SRRM4: variants seen among roughly 807,000 people sequenced by gnomAD.
SRRM4 encodes serine/arginine repetitive matrix 4, also known as serine/arginine repetitive matrix protein 4.
A neutral mutation model predicts 68.9 loss-of-function variants in SRRM4; 33 were observed. That is an observed-to-expected ratio of 0.48 (90% confidence interval 0.36 to 0.64). SRRM4 has a LOEUF of 0.64. Ranked by LOEUF, SRRM4 falls within the 30% of genes least tolerant of loss-of-function variation. The pLI, the probability that SRRM4 is intolerant of heterozygous loss-of-function variation, is 0.00. For missense variants in SRRM4, 817 were observed against 827.1 expected, an observed-to-expected ratio of 0.99 and a Z score of 0.15; for synonymous variants, 318 against 318.8, an observed-to-expected ratio of 1.00 and a Z score of 0.03.
At chr12:119,013,724 TAATC>T (rs1223918481) in intron 1 of SRRM4, among the ~76,000 whole-genome samples, 2 of 152,250 alleles carry the variant, frequency 1.3e-5, no homozygotes, top group Admixed American at 6.5e-5. Flanking sequence ...ATCATTTATT[TAATC>T]AATATCCTAT....
At chr12:119,037,581 G>C (rs1953638110) in intron 1 of SRRM4, among the ~76,000 whole-genome samples, 1 of 152,216 alleles carries the variant, frequency 6.6e-6, no homozygotes, top group African/African-American at 2.4e-5. Flanking sequence ...GAATTTCTTT[G>C]TGGGTCAGCA....
intron 1 of SRRM4, among the ~76,000 whole-genome samples, chr12:119,099,929 A>C (rs1282574753): frequency 1.3e-5 from 2 of 152,200 alleles, no homozygotes; most frequent in Non-Finnish European, 2.9e-5. Context: ...CTTCTACTAC[A>C]TTCTTTTCAT....
At chr12:119,144,602 A>T (rs923336727) in intron 8 of SRRM4, 1 of 152,208 alleles carries the variant, frequency 6.6e-6, no homozygotes, top group Middle Eastern at 3.2e-3. Context: ...ATTAGAAGCC[A>T]CTCAAGAGCC....
At chr12:119,029,021 C>T (rs570615874) in intron 1 of SRRM4, among the ~76,000 whole-genome samples, 6 of 152,224 alleles carry the variant, frequency 3.9e-5, no homozygotes, top group East Asian at 1.9e-4. Context: ...AAAGGGACAA[C>T]GAAGAAGGCC....
At chr12:119,132,543 T>C (rs1444180071) in intron 8 of SRRM4, among the ~76,000 whole-genome samples, 2 of 152,216 alleles carry the variant, frequency 1.3e-5, no homozygotes, top group Non-Finnish European at 2.9e-5. Context: ...TGGGATGGTT[T>C]TCCAACAAGA....
At chr12:119,051,809 A>G (rs1381462264) in intron 1 of SRRM4, among the ~76,000 whole-genome samples, 2 of 152,240 alleles carry the variant, frequency 1.3e-5, no homozygotes, top group Non-Finnish European at 2.9e-5. Context: ...GTATGGTAGA[A>G]CTGATGTTTG....
rs115399920 is a variant in SRRM4, at chr12:119,086,418, A to G, written c.132-15818A>G. 1.7e-3 allele frequency among the ~76,000 whole-genome samples: 258 copies of G among 152,284 alleles called. 1 individual carries two copies. The highest frequency in any genetic ancestry group is 5.8e-3 in the African/African-American group (243 of 41,558). The stretch of plus-strand genomic sequence containing the variant: ...ACCAGGGGCTGAGAAATATTTGTAC[A>G]GGGAAACAAGACTCTGTCTTCACCC... On this transcript the variant is annotated intron_variant, in intron 1 of 12. Coordinates refer to ENST00000267260, the MANE Select transcript of SRRM4 (RefSeq NM_194286.4).
intron 2 of SRRM4, among the ~76,000 whole-genome samples, chr12:119,109,193 T>G (rs1163785730): frequency 1.3e-5 from 2 of 152,198 alleles, no homozygotes; most frequent in African/African-American, 4.8e-5. Context: ...AGAGATCAGC[T>G]GTTAGTCTGA....
chr12:118,997,435 G>A (rs1953356495), intron 1 of SRRM4, among the ~76,000 whole-genome samples: 2 of 152,162 alleles, frequency 1.3e-5, no homozygotes, highest in South Asian at 4.1e-4. Context: ...CCTGCCATGT[G>A]GCACCTTTCT....
At position 119,083,158 on chromosome 12, in the gene SRRM4, T is replaced by C. The variant is rs141888257; in HGVS notation, c.132-19078T>C. ...ACTCAGTTCCCAGGCACAGCCAAAG[T>C]AGCCAGTGTTGTCACTGACCTGCCC... On this transcript the variant is annotated intron_variant, in intron 1 of 12. Transcript: ENST00000267260. Among the ~76,000 whole-genome samples, 478 of 152,130 alleles carry C rather than the reference T, an allele frequency of 3.1e-3. 3 individuals carry two copies. Among genetic ancestry groups the C allele is most frequent in the African/African-American group, 0.01 (433 of 41,532 alleles).
intron 1 of SRRM4, among the ~76,000 whole-genome samples, chr12:119,042,612 G>C (rs1321495746): frequency 2.6e-5 from 4 of 151,138 alleles, no homozygotes; most frequent in African/African-American, 4.9e-5. Context: ...GAAAAGAGGA[G>C]ATAGCAAGAG....
chr12:119,015,389 A>G (rs1272849840), intron 1 of SRRM4, among the ~76,000 whole-genome samples: 1 of 152,190 alleles, frequency 6.6e-6, no homozygotes, highest in Non-Finnish European at 1.5e-5. Context: ...GCTGCGCTGC[A>G]TGCAATAGCT....
intron 1 of SRRM4, among the ~76,000 whole-genome samples, chr12:118,987,335 G>T (rs1044795333): frequency 3.3e-5 from 5 of 152,158 alleles, no homozygotes; most frequent in Non-Finnish European, 7.3e-5. Flanking sequence ...GATGCAGAGA[G>T]GGGGGATGCT....
intron 1 of SRRM4, among the ~76,000 whole-genome samples, chr12:118,992,984 G>A (rs1475456500): frequency 1.3e-5 from 2 of 152,256 alleles, no homozygotes; most frequent in East Asian, 3.9e-4. Flanking sequence ...GATGTGAAAT[G>A]ATTTTCCTAA....
At chr12:119,047,289 A>C (rs1953713446) in intron 1 of SRRM4, among the ~76,000 whole-genome samples, 1 of 152,160 alleles carries the variant, frequency 6.6e-6, no homozygotes, top group Non-Finnish European at 1.5e-5. Flanking sequence ...ATCCAAGCTC[A>C]ATGTTCTAAA....
intron 8 of SRRM4, among the ~76,000 whole-genome samples, chr12:119,138,926 G>A (rs975797044): frequency 6.6e-6 from 1 of 152,110 alleles, no homozygotes; most frequent in African/African-American, 2.4e-5. Context: ...AGAGAACCCT[G>A]GTGTAAGGGT....
In SRRM4 at chr12:118,982,684, T is replaced by A. The variant is rs28690481; in HGVS notation, c.131+671T>A. 4.8e-3 allele frequency among the ~76,000 whole-genome samples: 568 copies of A among 118,302 alleles called. 3 individuals are homozygous for A. The highest frequency in any genetic ancestry group is 0.016 in the African/African-American group (536 of 32,656). 77.6% of individuals were successfully genotyped at this position (118,302 alleles called of 152,430 possible). On this transcript the variant is annotated intron_variant, in intron 1 of 12. Transcript: ENST00000267260. Reference sequence around the variant, plus strand: ...GTTTTATTTTGTTTTTTTTTGTTTTTTTTTTTTTTTTCCAAAAAGAATCTG... The same window carrying A: ...GTTTTATTTTGTTTTTTTTTGTTTTATTTTTTTTTTTCCAAAAAGAATCTG...
chr12:119,056,366 A>G (rs1421830232), intron 1 of SRRM4, among the ~76,000 whole-genome samples: 1 of 152,204 alleles, frequency 6.6e-6, no homozygotes, highest in Non-Finnish European at 1.5e-5. Context: ...AGTAAAGATG[A>G]TGTTATCTCA....
chr12:119,159,137 G>A lies in SRRM4; in HGVS notation c.*2339G>A, dbSNP rs1235029548. On this transcript the variant is annotated 3_prime_UTR_variant, in exon 13 of 13. Transcript: ENST00000267260. ...TTGGCCTTCTCCCTGAAGGCTCTAA[G>A]CCTGGAACACCCTGGGGTTGGCCCA... 2 of 152,014 alleles carry A rather than the reference G, an allele frequency of 1.3e-5. No individual in the cohort carries two copies. The highest frequency in any genetic ancestry group is 1.9e-4 in the East Asian group (1 of 5,164). The allele number at this position is 152,014 out of a possible 1,614,324, so 9.4% of individuals were successfully genotyped here.
Sources: allele counts gnomAD v4.1 joint callset (sites outside exome capture counted in the v4.1 genomes callset), GRCh38; gene constraint gnomAD v4.1.1; transcripts MANE v1.5; gene names NCBI Gene and HGNC (gene_info 2026-07-23, HGNC 2026-07-21).